KLHL1: variants seen among roughly 807,000 people sequenced by gnomAD.
The protein encoded by KLHL1 is kelch-like protein 1.
A neutral mutation model predicts 77.7 loss-of-function variants in KLHL1; 47 were observed. That is an observed-to-expected ratio of 0.60 (90% CI 0.48 to 0.77). The LOEUF is 0.77. Among genes scored for constraint, KLHL1 ranks in the 30% least tolerant of loss-of-function variants. The pLI is 0.00. For synonymous variants in KLHL1, 360 were observed against 325.2 expected (o/e 1.11, Z -1.15); for missense variants, 925 against 910.8 (o/e 1.02, Z -0.20).
At chr13:69,742,440 AAAT>A (rs1265732238) in intron 7 of KLHL1, among the ~76,000 whole-genome samples, 2 of 152,176 alleles carry the variant, frequency 1.3e-5, no homozygotes, top group Non-Finnish European at 2.9e-5. Context: ...ACTGATGTGA[AAAT>A]AAAATGACAA....
At chr13:69,855,795 G>A (rs1020329789) in intron 5 of KLHL1, among the ~76,000 whole-genome samples, 19 of 149,004 alleles carry the variant, frequency 1.3e-4, no homozygotes, top group Non-Finnish European at 2.1e-4. Context: ...CTTTATAGCA[G>A]TGTGAAAACG....
At chr13:69,960,808 G>GA (rs147674605) in intron 3 of KLHL1, among the ~76,000 whole-genome samples, 1,722 of 150,710 alleles carry the variant, frequency 0.011, 35 homozygotes, top group African/African-American at 0.039. Context: ...TAGTAGATCA[G>GA]AAAAAAAAAC....
At position 70,084,055 on chromosome 13, in the gene KLHL1, T is replaced by C. The variant is rs1887459118; in HGVS notation, c.497+23148A>G. ...ACAACATGTGCTTTATGAAAAGTAG[T>C]TAATAAAAGCAAAAACTACAGTTAA... On this transcript the variant is annotated intron_variant, in intron 1 of 10. Transcript: ENST00000377844. Among the ~76,000 whole-genome samples the C allele has an allele frequency of 2.0e-5, 3 of 152,246 alleles. No individual in the cohort carries two copies. The South Asian group carries it at 6.2e-4, about 32-fold the overall frequency.
intron 1 of KLHL1, among the ~76,000 whole-genome samples, chr13:70,002,681 G>A (rs947668622): frequency 6.6e-6 from 1 of 151,544 alleles, no homozygotes; most frequent in African/African-American, 2.4e-5. Context: ...AAAAGCATAA[G>A]TTGTTCAAGA....
intron 1 of KLHL1, among the ~76,000 whole-genome samples, chr13:70,017,782 AC>A (rs1227604511): frequency 2.0e-5 from 3 of 152,184 alleles, no homozygotes; most frequent in Non-Finnish European, 4.4e-5. Flanking sequence ...AAACAATAAC[AC>A]AAAAAAATTA....
chr13:69,938,675 T>C (rs1883257131), intron 4 of KLHL1, among the ~76,000 whole-genome samples: 1 of 152,112 alleles, frequency 6.6e-6, no homozygotes, highest in Non-Finnish European at 1.5e-5. Context: ...TGATGAATTA[T>C]TTGTTTACTT....
chr13:69,771,233 C>A (rs2137982640), intron 7 of KLHL1, among the ~76,000 whole-genome samples: 1 of 150,336 alleles, frequency 6.7e-6, no homozygotes, highest in South Asian at 2.1e-4. Context: ...CCTGTTCTCT[C>A]TCTACAACCC....
intron 8 of KLHL1, among the ~76,000 whole-genome samples, chr13:69,732,159 T>C (rs1370385231): frequency 6.6e-6 from 1 of 152,132 alleles, no homozygotes; most frequent in Non-Finnish European, 1.5e-5. Context: ...CAAATTGGCA[T>C]TGATTGAATT....
intron 4 of KLHL1, among the ~76,000 whole-genome samples, chr13:69,916,280 C>T (rs112725136): frequency 0.016 from 2,361 of 151,804 alleles, 48 homozygotes; most frequent in African/African-American, 0.053. Flanking sequence ...GCTATAAAGA[C>T]ACATGCACAC....
chr13:69,759,115 C>T (rs765394743), intron 7 of KLHL1, among the ~76,000 whole-genome samples: 4 of 151,878 alleles, frequency 2.6e-5, no homozygotes, highest in African/African-American at 4.8e-5. Context: ...AAATCTGGGC[C>T]GAGGAAGATG....
chr13:69,748,324 A>T, intron 7 of KLHL1, among the ~76,000 whole-genome samples: 1 of 152,040 alleles, frequency 6.6e-6, no homozygotes, highest in East Asian at 1.9e-4. Flanking sequence ...TTTGACTTTC[A>T]GTTGCACATG....
intron 1 of KLHL1, among the ~76,000 whole-genome samples, chr13:70,022,694 C>A (rs995626162): frequency 6.6e-6 from 1 of 151,854 alleles, no homozygotes; most frequent in Admixed American, 6.6e-5. Context: ...GTGGGCTACA[C>A]GGTGAGGTTG....
Position 69,700,603 on chromosome 13 carries a change from T to A in KLHL1, c.*1099A>T, listed in dbSNP as rs1875346241. The A allele has an allele frequency of 6.6e-6, 1 of 152,428 alleles. No individual in the cohort carries two copies. The highest frequency in any genetic ancestry group is 2.1e-4 in the South Asian group (1 of 4,834). The allele number at this position is 152,428 out of a possible 1,614,324, so 9.4% of individuals were successfully genotyped here. ...TTAAAAATACACTGATAAATGCAAA[T>A]TTTTTGATCATTTATTAATTGTAAT... On this transcript the variant is annotated 3_prime_UTR_variant, in exon 11 of 11. Coordinates refer to ENST00000377844, the MANE Select transcript of KLHL1 (RefSeq NM_020866.3).
At position 70,108,218 on chromosome 13, in the gene KLHL1, G is replaced by A. The variant is rs1043878926; in HGVS notation, c.-519C>T. The A allele has an allele frequency of 5.1e-6, 2 of 394,084 alleles. No individual in the cohort carries two copies. Among genetic ancestry groups the A allele is most frequent in the Non-Finnish European group, 8.9e-6 (2 of 224,012 alleles). 24.4% of individuals were successfully genotyped at this position (394,084 alleles called of 1,614,324 possible). A position where few individuals can be genotyped will look rare whatever the true frequency, so the allele number is the denominator to read the frequency against. ...GCAGAGAGAAAGAGCCCCAAGTCTC[G>A]AGGAAGCGTACCCCTCGCCAGATCT... On this transcript the variant is annotated 5_prime_UTR_variant, in exon 1 of 11. Transcript: ENST00000377844.
chr13:69,931,278 A>C (rs1054604959), intron 4 of KLHL1, among the ~76,000 whole-genome samples: 9 of 151,792 alleles, frequency 5.9e-5, no homozygotes, highest in Non-Finnish European at 4.4e-5. Flanking sequence ...ACTAAGATTT[A>C]CTATTGGTGA....
chr13:69,798,215 T>C (rs561168014), intron 6 of KLHL1, among the ~76,000 whole-genome samples: 1 of 152,270 alleles, frequency 6.6e-6, no homozygotes, highest in South Asian at 2.1e-4. Flanking sequence ...AAATTAACAT[T>C]CTTGTGTACT....
intron 1 of KLHL1, among the ~76,000 whole-genome samples, chr13:70,015,210 T>C (rs1270847052): frequency 3.9e-5 from 6 of 152,276 alleles, no homozygotes; most frequent in African/African-American, 1.4e-4. Context: ...AGTGGACTTA[T>C]GCAAACCTAT....
At chr13:69,855,522 G>A (rs941808837) in intron 5 of KLHL1, among the ~76,000 whole-genome samples, 3 of 127,378 alleles carry the variant, frequency 2.4e-5, no homozygotes, top group Non-Finnish European at 5.1e-5. Flanking sequence ...TCAAGGGAGA[G>A]GAAAGAGACC....
rs869083780 is a variant in KLHL1, at chr13:69,781,285, CTTTTTTTTT to C, written c.1639+15444_1639+15452del. Among the ~76,000 whole-genome samples, 18 of 119,700 alleles carry C rather than the reference CTTTTTTTTT, an allele frequency of 1.5e-4. 1 individual carries two copies. Among genetic ancestry groups the C allele is most frequent in the African/African-American group, 4.2e-4 (13 of 31,098 alleles). 78.5% of individuals were successfully genotyped at this position (119,700 alleles called of 152,430 possible). A position where few individuals can be genotyped will look rare whatever the true frequency, so the allele number is the denominator to read the frequency against. ...TCTTGAGAGACTCCTTTTTTTCTTTCTTTTTTTTTTTTTTTTTTTTGTCAAATATCAAGT... is the reference window on the plus strand; with the variant it reads ...TCTTGAGAGACTCCTTTTTTTCTTTCTTTTTTTTTTTGTCAAATATCAAGT... On this transcript the variant is annotated intron_variant, in intron 7 of 10. Coordinates refer to ENST00000377844, the MANE Select transcript of KLHL1 (RefSeq NM_020866.3).
Sources: allele counts gnomAD v4.1 joint callset (sites outside exome capture counted in the v4.1 genomes callset), GRCh38; gene constraint gnomAD v4.1.1; transcripts MANE v1.5; gene names NCBI Gene and HGNC (gene_info 2026-07-23, HGNC 2026-07-21).